RAB11FIP1: variants seen among roughly 807,000 people sequenced by gnomAD.
RAB11FIP1 encodes rab11 family-interacting protein 1.
RAB11FIP1 carries 49 observed loss-of-function variants against 83.1 expected under a neutral mutation model. The ratio of observed to expected loss-of-function variants is 0.59; its 90% confidence interval spans 0.47 to 0.75. The LOEUF is 0.75. RAB11FIP1 is among the 30% of genes least tolerant of loss of function. The pLI is 0.00. For synonymous variants in RAB11FIP1, 670 were observed against 656.0 expected, an observed-to-expected ratio of 1.02 and a Z score of -0.33; for missense variants, 1,536 against 1,598.7, an observed-to-expected ratio of 0.96 and a Z score of 0.67.
Position 37,899,333 on chromosome 8 carries a change from C to T in RAB11FIP1, c.109G>A (p.Gly37Ser). 6.2e-7 allele frequency: 1 copy of T among 1,609,056 alleles called. No homozygotes were observed. The highest frequency in any genetic ancestry group is 8.5e-7 in the Non-Finnish European group (1 of 1,178,454). ...ARGLRAKGPGGTSDAYAVIQV... is the reference protein window; with the variant it reads ...ARGLRAKGPGSTSDAYAVIQV... The stretch of plus-strand genomic sequence containing the variant: ...ATCACCGCGTACGCGTCGCTCGTGC[C>T]CCCGGGGCCCTTGGCCCGCAGGCCC... The change falls in exon 1 of 6, where the codon GGC becomes AGC. Residue 37 changes from glycine to serine, a missense_variant. Physicochemically the swap from Gly to Ser is moderately conservative, Grantham distance 56 (BLOSUM62 0). Transcript: ENST00000330843. This position sits in a 1 kb window ranked among gnomAD's most constrained non-coding sequence, Gnocchi z 4.5.
chr8:37,871,262 C>T lies in RAB11FIP1; in HGVS notation c.3524+16G>A. The T allele has an allele frequency of 6.3e-7, 1 of 1,583,904 alleles. No individual in the cohort carries two copies. Among genetic ancestry groups the T allele is most frequent in the Non-Finnish European group, 8.6e-7 (1 of 1,168,162 alleles). Reference sequence around the variant, plus strand: ...CATTGCTCACATTTACATAGACAATCTCCCCCATCTCTCACCTGTGCTTGG... The same window carrying T: ...CATTGCTCACATTTACATAGACAATTTCCCCCATCTCTCACCTGTGCTTGG... On this transcript the variant is annotated intron_variant, in intron 4 of 5. Transcript: ENST00000330843.
At chr8:37,880,442 G>GTA (rs1247193128) in intron 1 of RAB11FIP1, among the ~76,000 whole-genome samples, 1 of 152,058 alleles carries the variant, frequency 6.6e-6, no homozygotes, top group African/African-American at 2.4e-5. Flanking sequence ...GGGACTACAG[G>GTA]TATATGCCAC....
At position 37,875,273 on chromosome 8, in the gene RAB11FIP1, C is replaced by G. The variant is rs775556013; in HGVS notation, c.864G>C (p.Gln288His). 1 of 1,613,674 alleles carries G rather than the reference C, an allele frequency of 6.2e-7. No homozygotes were observed. The highest frequency in any genetic ancestry group is 1.1e-5 in the South Asian group (1 of 91,060). Residue 288 changes from glutamine to histidine, a missense_variant, in exon 3 of 6, where the codon CAG becomes CAC. Physicochemically the swap from Gln to His is conservative, Grantham distance 24. Transcript: ENST00000330843. The stretch of plus-strand genomic sequence containing the variant: ...CCTTCTTGGGAAGGGTAAAGTTGAC[C>G]TGGTTCAGTTGCTTAAGATCCGTAC... ...TASTDLKQLN[Q>H]VNFTLPKKEG...
At chr8:37,885,594 A>C (rs1214466038) in intron 1 of RAB11FIP1, among the ~76,000 whole-genome samples, 1 of 152,224 alleles carries the variant, frequency 6.6e-6, no homozygotes, top group Non-Finnish European at 1.5e-5. Flanking sequence ...AAAGTCATTT[A>C]AGTTTTCTAC....
At chr8:37,885,514 A>G (rs1331177443) in intron 1 of RAB11FIP1, among the ~76,000 whole-genome samples, 1 of 152,182 alleles carries the variant, frequency 6.6e-6, no homozygotes, top group Admixed American at 6.5e-5. Context: ...GCTACCCTGC[A>G]GTTTTTGTTT....
intron 1 of RAB11FIP1, among the ~76,000 whole-genome samples, chr8:37,879,622 C>T (rs1021553253): frequency 2.6e-5 from 4 of 152,214 alleles, no homozygotes; most frequent in African/African-American, 9.7e-5. Flanking sequence ...GTGGCTCACG[C>T]CCGTAATCCC....
Position 37,861,711 on chromosome 8 carries a change from C to T in RAB11FIP1, c.*1184G>A. 2.6e-6 allele frequency: 1 copy of T among 381,796 alleles called. No homozygotes were observed. The highest frequency in any genetic ancestry group is 1.9e-5 in the South Asian group (1 of 51,618). 23.7% of individuals were successfully genotyped at this position (381,796 alleles called of 1,614,324 possible). A position where few individuals can be genotyped will look rare whatever the true frequency, so the allele number is the denominator to read the frequency against. On this transcript the variant is annotated 3_prime_UTR_variant, in exon 6 of 6. Transcript: ENST00000330843. ...TCAAGCAATTCTCCTGCCCCAGCCT[C>T]CCGAGTAGCTGGGATTACAGGCACG...
intron 5 of RAB11FIP1, among the ~76,000 whole-genome samples, chr8:37,864,947 T>TC (rs1404623085): frequency 2.6e-5 from 3 of 115,564 alleles, no homozygotes; most frequent in Admixed American, 8.9e-5. Flanking sequence ...TTTTTTTTTT[T>TC]CCCCATAGAG....
chr8:37,895,197 C>T (rs1186009879), intron 1 of RAB11FIP1, among the ~76,000 whole-genome samples: 1 of 99,918 alleles, frequency 1.0e-5, no homozygotes, highest in African/African-American at 3.8e-5. Flanking sequence ...TCCGGAATAG[C>T]TGGGACTACA....
chr8:37,870,664 G>C (rs1436893574), intron 4 of RAB11FIP1, 136 bp from the exon 5 acceptor site: 1 of 570,710 alleles, frequency 1.8e-6, no homozygotes, highest in African/African-American at 1.9e-5. Context: ...CTGGGCCAAA[G>C]CACTCCAATG....
rs139962167 is a variant in RAB11FIP1 at position 37,863,000 on chromosome 8, G to A, written c.3747C>T (p.Arg1249=). The change falls in exon 6 of 6, where the codon CGC becomes CGT. Residue 1249 remains arginine (R), a synonymous_variant. Coordinates refer to ENST00000330843, the MANE Select transcript of RAB11FIP1 (RefSeq NM_001002814.3). Reference sequence around the variant, plus strand: ...GGTTGTCAATGTAGTCTTCCAGCTCGCGGACCTGGAACTCCTTCTTGCTTA... The same window carrying A: ...GGTTGTCAATGTAGTCTTCCAGCTCACGGACCTGGAACTCCTTCTTGCTTA... ...ETISKKEFQV[R]ELEDYIDNLL... 3.8e-5 allele frequency: 62 copies of A among 1,613,562 alleles called. No homozygotes were observed. Among genetic ancestry groups the A allele is most frequent in the East Asian group, 1.8e-4 (8 of 44,884 alleles).
At chr8:37,894,749 C>A (rs895400163) in intron 1 of RAB11FIP1, among the ~76,000 whole-genome samples, 32 of 144,094 alleles carry the variant, frequency 2.2e-4, no homozygotes, top group Middle Eastern at 7.1e-3. Flanking sequence ...TACACACACA[C>A]ACATACATAC....
At chr8:37,871,185 C>A (rs1186366486) in intron 4 of RAB11FIP1, 93 bp downstream of exon 4, 1 of 1,483,300 alleles carries the variant, frequency 6.7e-7, no homozygotes, top group Non-Finnish European at 9.0e-7. Flanking sequence ...TCACATCAGA[C>A]GTCTGTGTGG....
chr8:37,867,633 G>A (rs1806366993), intron 5 of RAB11FIP1, among the ~76,000 whole-genome samples: 1 of 152,000 alleles, frequency 6.6e-6, no homozygotes, highest in Non-Finnish European at 1.5e-5. Context: ...CTTGAACCTG[G>A]GAGGTAGAGG....
rs1319309476 is a variant in RAB11FIP1 at position 37,873,064 on chromosome 8, A to G, written c.1738T>C (p.Leu580=). Residue 580 remains leucine, a synonymous_variant, in exon 4 of 6, where the codon TTG becomes CTG. Coordinates refer to ENST00000330843, the MANE Select transcript of RAB11FIP1 (RefSeq NM_001002814.3). The stretch of plus-strand genomic sequence containing the variant: ...GACTGTGTGTCTGCACCATGTCCCA[A>G]TTCAGAGGGGACAGATGCCTGGCCA... ...SSGQASVPSE[L]GHGADTQSSE... The G allele has an allele frequency of 1.9e-6, 3 of 1,614,126 alleles. No homozygotes were observed. Among genetic ancestry groups the G allele is most frequent in the African/African-American group, 1.3e-5 (1 of 75,044 alleles).
At chr8:37,870,306 T>A in intron 5 of RAB11FIP1, 114 bp downstream of exon 5, 1 of 591,924 alleles carries the variant, frequency 1.7e-6, no homozygotes, top group South Asian at 2.2e-5. Flanking sequence ...TCAAGATGTA[T>A]GACTAAGTGT....
intron 1 of RAB11FIP1, among the ~76,000 whole-genome samples, chr8:37,881,779 C>A (rs1806737285): frequency 6.6e-6 from 1 of 152,046 alleles, no homozygotes; most frequent in Admixed American, 6.6e-5. Context: ...TCACTGCAGC[C>A]CTGGACTCCT....
At position 37,877,510 on chromosome 8, in the gene RAB11FIP1, T is replaced by C. The variant is rs1363863831; in HGVS notation, c.413A>G (p.Glu138Gly). ...LKSKPGKKDKERGEIEVDIQF... is the reference protein window; with the variant it reads ...LKSKPGKKDKGRGEIEVDIQF... Reference sequence around the variant, plus strand: ...GATGTCAACCTCAATTTCTCCTCGCTCCTTGTCCTTCTTTCCTGGTTTGGA... The same window carrying C: ...GATGTCAACCTCAATTTCTCCTCGCCCCTTGTCCTTCTTTCCTGGTTTGGA... The change falls in exon 2 of 6, where the codon GAG becomes GGG. Residue 138 changes from glutamate (E) to glycine (G), a missense_variant. Coordinates refer to ENST00000330843, the MANE Select transcript of RAB11FIP1 (RefSeq NM_001002814.3). The C allele has an allele frequency of 6.2e-7, 1 of 1,611,298 alleles. No individual in the cohort carries two copies. Among genetic ancestry groups the C allele is most frequent in the Admixed American group, 1.7e-5 (1 of 60,004 alleles).
chr8:37,875,082 T>C lies in RAB11FIP1; in HGVS notation c.1055A>G (p.Lys352Arg). 2 of 1,614,166 alleles carry C rather than the reference T, an allele frequency of 1.2e-6. No individual in the cohort carries two copies. The change falls in exon 3 of 6, where the codon AAG becomes AGG. Residue 352 changes from lysine (K) to arginine (R), a missense_variant. Coordinates refer to ENST00000330843, the MANE Select transcript of RAB11FIP1 (RefSeq NM_001002814.3). ...SSPSPKGFRK[K>R]HLFSSTENLA... Reference sequence around the variant, plus strand: ...GTTCTCTGTAGAAGAGAACAAATGCTTCTTTCTGAAGCCCTTGGGGGATGG... The same window carrying C: ...GTTCTCTGTAGAAGAGAACAAATGCCTCTTTCTGAAGCCCTTGGGGGATGG...
Sources: allele counts gnomAD v4.1 joint callset (sites outside exome capture counted in the v4.1 genomes callset), GRCh38; gene constraint gnomAD v4.1.1; non-coding constraint Gnocchi (gnomAD v3.1); transcripts MANE v1.5; gene names NCBI Gene and HGNC (gene_info 2026-07-23, HGNC 2026-07-21).